The following LRP1B variants were observed in gnomAD, a reference collection of about 807,000 sequenced individuals.
LRP1B encodes the protein LDL receptor related protein 1B, also known as low-density lipoprotein receptor-related protein 1B.
In LRP1B, 217 loss-of-function variants were observed where a neutral mutation model predicts 556.6. That is an observed-to-expected ratio of 0.39 (90% CI 0.35 to 0.44). The LOEUF is 0.44. Ranked by LOEUF, LRP1B falls within the 20% of genes least tolerant of loss-of-function variation. The probability of loss-of-function intolerance (pLI) is 1.00; values close to 1 mark genes in which losing one functional copy is unlikely to be tolerated. For missense variants in LRP1B, 5,053 were observed against 5,620.8 expected (o/e 0.90, Z 3.23); for synonymous variants, 2,047 against 1,865.8 (o/e 1.10, Z -2.50).
chr2:140,407,854 T>C (rs1161764793), intron 66 of LRP1B, among the ~76,000 whole-genome samples: 1 of 151,860 alleles, frequency 6.6e-6, no homozygotes, highest in Non-Finnish European at 1.5e-5. Flanking sequence ...AAAGAAGTCA[T>C]TATATGAAAA....
intron 3 of LRP1B, among the ~76,000 whole-genome samples, chr2:141,305,627 C>G (rs1458241412): frequency 6.6e-6 from 1 of 151,998 alleles, no homozygotes; most frequent in Non-Finnish European, 1.5e-5. Flanking sequence ...AGTAGTATGT[C>G]GAATAACAGT....
chr2:141,208,655 C>A (rs1438113411), intron 6 of LRP1B, among the ~76,000 whole-genome samples: 2 of 151,924 alleles, frequency 1.3e-5, no homozygotes, highest in East Asian at 3.9e-4. Flanking sequence ...ATCACGAGGT[C>A]AGGAGATGGA....
chr2:140,619,941 T>C (rs1320868219), intron 41 of LRP1B, among the ~76,000 whole-genome samples: 1 of 152,200 alleles, frequency 6.6e-6, no homozygotes, highest in Non-Finnish European at 1.5e-5. Context: ...ATGCCTTCAA[T>C]ATAGATATTT....
chr2:141,283,618 CTTTTT>C (rs751136016), intron 3 of LRP1B, among the ~76,000 whole-genome samples: 1 of 123,930 alleles, frequency 8.1e-6, no homozygotes. Context: ...AAGAGACCCA[CTTTTT>C]TTTTTTTTTT....
At chr2:141,274,109 G>C (rs996979921) in intron 3 of LRP1B, among the ~76,000 whole-genome samples, 7 of 152,182 alleles carry the variant, frequency 4.6e-5, no homozygotes, top group Non-Finnish European at 8.8e-5. Flanking sequence ...CTACACTCTT[G>C]ATGGACATAT....
At chr2:141,775,322 C>T (rs984296666) in intron 2 of LRP1B, among the ~76,000 whole-genome samples, 2 of 152,128 alleles carry the variant, frequency 1.3e-5, no homozygotes, top group African/African-American at 2.4e-5. Context: ...GATTTTTGCC[C>T]TGTAGAAAGG....
At chr2:140,309,284 A>G (rs1684196675) in intron 83 of LRP1B, among the ~76,000 whole-genome samples, 2 of 151,878 alleles carry the variant, frequency 1.3e-5, no homozygotes, top group African/African-American at 2.4e-5. Flanking sequence ...GTACTTCTTA[A>G]TATATTCTGA....
intron 41 of LRP1B, among the ~76,000 whole-genome samples, chr2:140,658,177 C>A: frequency 6.6e-6 from 1 of 151,734 alleles, no homozygotes; most frequent in African/African-American, 2.4e-5. Context: ...AATAAAATAG[C>A]AATGAAAAAT....
intron 20 of LRP1B, among the ~76,000 whole-genome samples, chr2:140,942,417 T>C (rs1048590063): frequency 6.6e-6 from 1 of 151,996 alleles, no homozygotes; most frequent in Non-Finnish European, 1.5e-5. Context: ...GAGGTCAACA[T>C]ACAGATACAA....
intron 3 of LRP1B, among the ~76,000 whole-genome samples, chr2:141,423,292 T>A (rs923602877): frequency 1.3e-5 from 1 of 79,382 alleles, no homozygotes; most frequent in Non-Finnish European, 2.5e-5. Context: ...AGCCAGAGCT[T>A]TTTTTTTTTT....
At chr2:140,384,372 T>C (rs1309560988) in intron 67 of LRP1B, among the ~76,000 whole-genome samples, 2 of 152,106 alleles carry the variant, frequency 1.3e-5, no homozygotes, top group Non-Finnish European at 2.9e-5. Flanking sequence ...CCCTACCAGC[T>C]CCACCCCGTC....
At chr2:141,138,003 A>T (rs972283129) in intron 7 of LRP1B, among the ~76,000 whole-genome samples, 14 of 151,938 alleles carry the variant, frequency 9.2e-5, no homozygotes, top group African/African-American at 3.4e-4. Flanking sequence ...ACAACCACAG[A>T]TCTACCTCCC....
chr2:141,098,655 T>C (rs1700382307), intron 7 of LRP1B, among the ~76,000 whole-genome samples: 1 of 151,068 alleles, frequency 6.6e-6, no homozygotes, highest in Non-Finnish European at 1.5e-5. Flanking sequence ...TCTTTATCTG[T>C]AGATTGACTG....
At chr2:140,781,020 T>C (rs1689679635) in intron 32 of LRP1B, among the ~76,000 whole-genome samples, 1 of 152,132 alleles carries the variant, frequency 6.6e-6, no homozygotes, top group Admixed American at 6.5e-5. Context: ...GATCATAGTT[T>C]TGGGTGGGTA....
intron 41 of LRP1B, among the ~76,000 whole-genome samples, chr2:140,640,726 C>A (rs1046692697): frequency 2.0e-5 from 3 of 152,078 alleles, no homozygotes; most frequent in Admixed American, 2.0e-4. Flanking sequence ...CTATAACCAT[C>A]TGATTAATAT....
intron 73 of LRP1B, among the ~76,000 whole-genome samples, chr2:140,358,525 C>T (rs978572154): frequency 6.6e-6 from 1 of 151,568 alleles, no homozygotes; most frequent in African/African-American, 2.4e-5. Flanking sequence ...TATAAGCTCC[C>T]TTTCTTCAAA....
At chr2:140,720,619 G>A (rs758047246) in intron 35 of LRP1B, among the ~76,000 whole-genome samples, 24 of 151,858 alleles carry the variant, frequency 1.6e-4, no homozygotes, top group Non-Finnish European at 2.8e-4. Flanking sequence ...AATCATGCAG[G>A]GTTCTGTCTG....
chr2:141,063,417 G>A (rs567482428), intron 7 of LRP1B, among the ~76,000 whole-genome samples: 5 of 151,902 alleles, frequency 3.3e-5, no homozygotes, highest in African/African-American at 1.2e-4. Flanking sequence ...ATTTGTAATA[G>A]TACAAGCTAG....
At chr2:141,434,267 T>C (rs982952145) in intron 3 of LRP1B, among the ~76,000 whole-genome samples, 3 of 152,184 alleles carry the variant, frequency 2.0e-5, no homozygotes, top group Non-Finnish European at 4.4e-5. Context: ...CTCTGGGGCC[T>C]TATTCATTTT....
Sources: allele counts gnomAD v4.1 joint callset (sites outside exome capture counted in the v4.1 genomes callset), GRCh38; gene constraint gnomAD v4.1.1; transcripts MANE v1.5; gene names NCBI Gene and HGNC (gene_info 2026-07-23, HGNC 2026-07-21).